Variants in TSGA10IP observed in about 807,000 individuals in gnomAD.
TSGA10IP encodes the protein testis-specific protein 10-interacting protein.
In TSGA10IP, 64 loss-of-function variants were observed where a neutral mutation model predicts 63.2. The ratio of observed to expected loss-of-function variants is 1.01; its 90% CI spans 0.83 to 1.25. TSGA10IP has a LOEUF of 1.25. Among genes scored for constraint, TSGA10IP ranks in the 50% most tolerant of loss-of-function variants. TSGA10IP has a pLI of 0.00. For synonymous variants in TSGA10IP, 316 were observed against 298.3 expected, an observed-to-expected ratio of 1.06 and a Z score of -0.61; for missense variants, 681 against 710.1, an observed-to-expected ratio of 0.96 and a Z score of 0.47.
intron 4 of TSGA10IP, among the ~76,000 whole-genome samples, chr11:65,950,665 C>A (rs1217193784): frequency 1.3e-5 from 2 of 152,018 alleles, no homozygotes; most frequent in Non-Finnish European, 2.9e-5. Context: ...CGGGTTCACG[C>A]CATTCTCCTG....
exon 3 of TSGA10IP, chr11:65,947,675 G>A (rs772910828): frequency 6.8e-6 from 11 of 1,606,616 alleles, no homozygotes; most frequent in African/African-American, 2.7e-5. Context: ...GGAAGCCTCC[G>A]ATGAGGGAGA....
At chr11:65,952,564 T>C (rs892711941) in intron 4 of TSGA10IP, among the ~76,000 whole-genome samples, 1 of 152,118 alleles carries the variant, frequency 6.6e-6, no homozygotes, top group African/African-American at 2.4e-5. Context: ...TTCTCCCACC[T>C]TAACCTCCCG....
At chr11:65,945,957 G>T in intron 1 of TSGA10IP, 135 bp downstream of exon 1, 1 of 1,110,652 alleles carries the variant, frequency 9.0e-7, no homozygotes, top group Non-Finnish European at 1.3e-6. Flanking sequence ...GCAGGAGTGG[G>T]ACAGGGACCA....
intron 4 of TSGA10IP, among the ~76,000 whole-genome samples, chr11:65,950,809 G>A (rs771032453): frequency 1.3e-5 from 2 of 152,050 alleles, no homozygotes; most frequent in Non-Finnish European, 2.9e-5. Flanking sequence ...TGATCCACCC[G>A]CCTCAGCCTC....
At chr11:65,953,030 C>CTTTTTTTTTTTTTTTT (rs543769953) in intron 4 of TSGA10IP, among the ~76,000 whole-genome samples, 2 of 133,654 alleles carry the variant, frequency 1.5e-5, no homozygotes, top group Non-Finnish European at 3.2e-5. Flanking sequence ...TTCTTTCTTT[C>CTTTTTTTTTTTTTTTT]TTTTTTTTTT....
intron 1 of TSGA10IP, among the ~76,000 whole-genome samples, chr11:65,946,306 TA>T (rs1327669348): frequency 6.6e-6 from 1 of 152,082 alleles, no homozygotes; most frequent in African/African-American, 2.4e-5. Flanking sequence ...ACCGGCCTCC[TA>T]GGGTCCTTGG....
At chr11:65,947,914 G>A in intron 3 of TSGA10IP, 86 bp downstream of exon 3, 1 of 1,511,654 alleles carries the variant, frequency 6.6e-7, no homozygotes, top group African/African-American at 1.4e-5. Flanking sequence ...GCTCAGGCAG[G>A]CTGGGCTGTG....
At chr11:65,946,970 C>T in exon 2 of TSGA10IP, 1 of 1,613,956 alleles carries the variant, frequency 6.2e-7, no homozygotes, top group Non-Finnish European at 8.5e-7. Flanking sequence ...GGACCGCAAG[C>T]CCAGGGGCCA....
At chr11:65,953,847 C>G in intron 5 of TSGA10IP, 110 bp downstream of exon 5, 1 of 911,132 alleles carries the variant, frequency 1.1e-6, no homozygotes, top group African/African-American at 1.7e-5. Flanking sequence ...CTGGGGCTAA[C>G]CAGGCCACTT....
intron 4 of TSGA10IP, 57 bp from the exon 5 acceptor site, chr11:65,953,510 T>C (rs1012221606): frequency 6.7e-7 from 1 of 1,488,632 alleles, no homozygotes; most frequent in Non-Finnish European, 8.9e-7. Context: ...CCCCTGGCCC[T>C]CCGTGAGGCT....
At chr11:65,947,854 T>A in intron 3 of TSGA10IP, 26 bp downstream of exon 3, 1 of 1,526,736 alleles carries the variant, frequency 6.5e-7, no homozygotes. Flanking sequence ...AGAGCCTGGA[T>A]TCCCCCGAAG....
intron 1 of TSGA10IP, 45 bp downstream of exon 1, chr11:65,945,867 G>A (rs760439725): frequency 1.3e-6 from 2 of 1,599,998 alleles, no homozygotes; most frequent in African/African-American, 2.7e-5. Flanking sequence ...CTAGAGCCAG[G>A]TGGGTCAGGG....
exon 3 of TSGA10IP, chr11:65,947,789 G>A: frequency 1.3e-6 from 2 of 1,579,652 alleles, no homozygotes; most frequent in South Asian, 2.3e-5. Flanking sequence ...ATGGGACCTG[G>A]AGAAGCTGCA....
chr11:65,958,031 G>A (rs1590627278), intron 5 of TSGA10IP, among the ~76,000 whole-genome samples: 1 of 152,298 alleles, frequency 6.6e-6, no homozygotes, highest in East Asian at 1.9e-4. Context: ...TCAGCTCACT[G>A]TAGCCTAGAC....
At chr11:65,947,336 G>A (rs570917824) in exon 3 of TSGA10IP, 1 of 1,612,150 alleles carries the variant, frequency 6.2e-7, no homozygotes, top group Non-Finnish European at 8.5e-7. Flanking sequence ...AAACCTGAAG[G>A]CGAGACAGCA....
At chr11:65,958,958 C>A (rs1198084890) in exon 6 of TSGA10IP, 1 of 1,613,146 alleles carries the variant, frequency 6.2e-7, no homozygotes, top group Non-Finnish European at 8.5e-7. Context: ...AGGCCCGGCC[C>A]TTCCTGTTCC....
intron 4 of TSGA10IP, among the ~76,000 whole-genome samples, chr11:65,951,518 TTTATTATTA>T (rs4013981): frequency 6.5e-5 from 9 of 139,116 alleles, no homozygotes; most frequent in Admixed American, 7.4e-5. Flanking sequence ...ATTTGCTTAT[TTTATTATTA>T]TTATTATTAT....
chr11:65,956,093 C>T (rs1191077723), intron 5 of TSGA10IP, among the ~76,000 whole-genome samples: 1 of 151,416 alleles, frequency 6.6e-6, no homozygotes, highest in Non-Finnish European at 1.5e-5. Context: ...AGGCCACTGA[C>T]GGCTCAGCGG....
At chr11:65,955,224 G>T (rs1855003986) in intron 5 of TSGA10IP, among the ~76,000 whole-genome samples, 1 of 152,044 alleles carries the variant, frequency 6.6e-6, no homozygotes, top group South Asian at 2.1e-4. Context: ...TGAATAAGGG[G>T]CTTTTGTTTT....
Sources: gnomAD v4.1 joint callset for allele counts (sites outside exome capture counted in the v4.1 genomes callset) on GRCh38, gnomAD v4.1.1 for gene constraint, MANE v1.5 for transcripts, NCBI Gene and HGNC (gene_info 2026-07-23, HGNC 2026-07-21) for gene names.